Variants in PLG observed in about 807,000 individuals in gnomAD.
The protein encoded by PLG is plasmin.
PLG carries 41 observed loss-of-function variants against 104.4 expected under a neutral mutation model. That is an observed-to-expected ratio of 0.39 (90% confidence interval 0.31 to 0.51). The LOEUF (loss-of-function observed/expected upper bound fraction) is 0.51, where lower values mean the gene tolerates loss of function less well. PLG is among the 20% of genes least tolerant of loss of function. PLG has a pLI of 0.76. For missense variants in PLG, 891 were observed against 1,003.6 expected, an observed-to-expected ratio of 0.89 and a Z score of 1.52; for synonymous variants, 337 against 357.1, an observed-to-expected ratio of 0.94 and a Z score of 0.63.
chr6:160,739,796 A>C lies in PLG; in HGVS notation c.2018+588A>C, dbSNP rs1209539391. ...ACACCAAAAAAACAAAAAACAAACA[A>C]AAAAAAAACAACTTCACAATGTCAA... On this transcript the variant is annotated intron_variant, in intron 16 of 18. Transcript: ENST00000308192. The surrounding 1 kb of genome is among the most constrained non-coding windows in gnomAD (Gnocchi z 4.4). Among the ~76,000 whole-genome samples, 2 of 125,338 alleles carry C rather than the reference A, an allele frequency of 1.6e-5. No individual in the cohort carries two copies. Among genetic ancestry groups the C allele is most frequent in the Non-Finnish European group, 3.0e-5 (2 of 65,960 alleles). 82.2% of individuals were successfully genotyped at this position (125,338 alleles called of 152,430 possible).
chr6:160,737,735 G>A lies in PLG; in HGVS notation c.1802+728G>A, dbSNP rs1394266309. The stretch of plus-strand genomic sequence containing the variant: ...CTCAATTGCTGTTTTCCCCTAAAGA[G>A]ACTCTTTTCCATAAGTTTGTGAAAT... On this transcript the variant is annotated intron_variant, in intron 14 of 18. Transcript: ENST00000308192. This position sits in a 1 kb window ranked among gnomAD's most constrained non-coding sequence, Gnocchi z 4.7. Among the ~76,000 whole-genome samples, 1 of 152,162 alleles carries A rather than the reference G, an allele frequency of 6.6e-6. No homozygotes were observed. Among genetic ancestry groups the A allele is most frequent in the African/African-American group, 2.4e-5 (1 of 41,418 alleles).
intron 2 of PLG, among the ~76,000 whole-genome samples, chr6:160,707,085 G>C (rs1777541249): frequency 6.6e-6 from 1 of 152,174 alleles, no homozygotes; most frequent in Admixed American, 6.5e-5. Context: ...GAACTGAGCT[G>C]GGTTTGGAGT....
intron 10 of PLG, 40 bp downstream of exon 10, chr6:160,722,607 A>T (rs199914831): frequency 6.3e-7 from 1 of 1,590,654 alleles, no homozygotes; most frequent in South Asian, 1.1e-5. Context: ...GCATCAGCCA[A>T]CTGAAATTTC....
At position 160,734,856 on chromosome 6, in the gene PLG, A is replaced by G. The variant is rs369369069; in HGVS notation, c.1681+768A>G. On this transcript the variant is annotated intron_variant, in intron 13 of 18. Coordinates refer to ENST00000308192, the MANE Select transcript of PLG (RefSeq NM_000301.5). This position sits in a 1 kb window ranked among gnomAD's most constrained non-coding sequence, Gnocchi z 4.4. ...CAGAAAACCACCCTGGACTTCTCCT[A>G]TGCATAATTTGGTTGCTTGTGGTTG... Among the ~76,000 whole-genome samples the G allele has an allele frequency of 1.3e-4, 19 of 151,886 alleles. No homozygotes were observed. The highest frequency in any genetic ancestry group is 3.9e-4 in the African/African-American group (16 of 41,402).
chr6:160,716,501 T>C, intron 6 of PLG, 144 bp from the exon 7 acceptor site: 1 of 703,954 alleles, frequency 1.4e-6, no homozygotes, highest in Non-Finnish European at 2.6e-6. Context: ...TGTTGCCATC[T>C]CTGAACACAG....
Position 160,744,572 on chromosome 6 carries a change from G to A in PLG, c.2125+3155G>A, listed in dbSNP as rs1778248332. Among the ~76,000 whole-genome samples, 1 of 152,054 alleles carries A rather than the reference G, an allele frequency of 6.6e-6. No individual in the cohort carries two copies. Among genetic ancestry groups the A allele is most frequent in the East Asian group, 1.9e-4 (1 of 5,192 alleles). Reference sequence around the variant, plus strand: ...TTCCTTTTCTTCATTAGCCTAGCTAGCAGCCTACCTATCTTATTACTGTTT... The same window carrying A: ...TTCCTTTTCTTCATTAGCCTAGCTAACAGCCTACCTATCTTATTACTGTTT... On this transcript the variant is annotated intron_variant, in intron 17 of 18. Coordinates refer to ENST00000308192, the MANE Select transcript of PLG (RefSeq NM_000301.5). This position sits in a 1 kb window ranked among gnomAD's most constrained non-coding sequence, Gnocchi z 4.5.
chr6:160,721,040 C>A (rs1027113651), intron 9 of PLG, among the ~76,000 whole-genome samples: 1 of 152,102 alleles, frequency 6.6e-6, no homozygotes, highest in Non-Finnish European at 1.5e-5. Context: ...GATATTATGA[C>A]TTTTTTTCTA....
rs1023849288 is a variant in PLG, at chr6:160,753,567, G to A, written c.*506G>A. 3.9e-5 allele frequency among the ~76,000 whole-genome samples: 6 copies of A among 152,136 alleles called. No homozygotes were observed. The highest frequency in any genetic ancestry group is 8.8e-5 in the Non-Finnish European group (6 of 68,022). ...ACATGTATGGGGAGTCATGCAAACC[G>A]ATTCTGTTATTGGGAATGAAATCTG... On this transcript the variant is annotated 3_prime_UTR_variant, in exon 19 of 19. Transcript: ENST00000308192. This position sits in a 1 kb window ranked among gnomAD's most constrained non-coding sequence, Gnocchi z 5.4.
rs1172602990 is a variant in PLG, at chr6:160,723,785, C to T, written c.1256+1218C>T. On this transcript the variant is annotated intron_variant, in intron 10 of 18. Coordinates refer to ENST00000308192, the MANE Select transcript of PLG (RefSeq NM_000301.5). This position sits in a 1 kb window ranked among gnomAD's most constrained non-coding sequence, Gnocchi z 4.7. ...TGAGCTCAATGGAGATGCCAGAGCT[C>T]ACATAGCACTGGGGGATATTTGAGT... 6.6e-6 allele frequency among the ~76,000 whole-genome samples: 1 copy of T among 152,144 alleles called. No individual in the cohort carries two copies. The highest frequency in any genetic ancestry group is 1.9e-4 in the East Asian group (1 of 5,188).
Position 160,731,203 on chromosome 6 carries a change from T to C in PLG, c.1409T>C (p.Leu470Pro). ...GTAGCACCTCCGCCTGTTGTCCTGC[T>C]TCCAGATGTAGAGACTCCTTCCGAA... The part of the protein sequence containing the change: ...SVVAPPPVVL[L>P]PDVETPSEED... The change falls in exon 11 of 19, where the codon CTT (leucine) becomes CCT (proline). Residue 470 changes from leucine (L) to proline (P), a missense_variant. Leu to Pro is a moderately conservative substitution (Grantham distance 98). This residue lies in a region of PLG where 854 missense variants were observed against 932.1 expected (regional missense o/e 0.92). Coordinates refer to ENST00000308192, the MANE Select transcript of PLG (RefSeq NM_000301.5). The surrounding 1 kb of genome is among the most constrained non-coding windows in gnomAD (Gnocchi z 5.1). The C allele has an allele frequency of 6.2e-7, 1 of 1,614,124 alleles. No homozygotes were observed. Among genetic ancestry groups the C allele is most frequent in the Non-Finnish European group, 8.5e-7 (1 of 1,179,970 alleles).
Position 160,725,007 on chromosome 6 carries a change from G to T in PLG, c.1256+2440G>T, listed in dbSNP as rs968417728. On this transcript the variant is annotated intron_variant, in intron 10 of 18. Transcript: ENST00000308192. The surrounding 1 kb of genome is among the most constrained non-coding windows in gnomAD (Gnocchi z 6.3). ...TGAGTCGGGCAGATCATGGGGTCAGGAGTTTGAGACCAGCCTGACCAACAT... is the reference window on the plus strand; with the variant it reads ...TGAGTCGGGCAGATCATGGGGTCAGTAGTTTGAGACCAGCCTGACCAACAT... Among the ~76,000 whole-genome samples, 1 of 152,124 alleles carries T rather than the reference G, an allele frequency of 6.6e-6. No homozygotes were observed. The highest frequency in any genetic ancestry group is 1.5e-5 in the Non-Finnish European group (1 of 68,032).
intron 7 of PLG, among the ~76,000 whole-genome samples, chr6:160,718,034 G>A (rs993774189): frequency 3.3e-5 from 5 of 152,088 alleles, no homozygotes; most frequent in African/African-American, 7.2e-5. Context: ...GGCGGATCAC[G>A]AGGTCAGGAG....
rs375836870 is a variant in PLG, at chr6:160,712,214, G to C, written c.408-772G>C. 153 of 157,684 alleles carry C rather than the reference G, an allele frequency of 9.7e-4. 5 individuals carry two copies. The South Asian group carries it at 0.022, about 23-fold the overall frequency. 9.8% of individuals were successfully genotyped at this position (157,684 alleles called of 1,614,324 possible). On this transcript the variant is annotated intron_variant, in intron 4 of 18. Transcript: ENST00000308192. ...CTTTATGAGGGAACTGAGGTCTCGG[G>C]GGGTGGGGGTTATCCCAAATAGGTT...
rs917288668 is a variant in PLG, at chr6:160,741,954, C to G, written c.2125+537C>G. 1.3e-5 allele frequency among the ~76,000 whole-genome samples: 2 copies of G among 152,146 alleles called. No individual in the cohort carries two copies. Among genetic ancestry groups the G allele is most frequent in the Non-Finnish European group, 2.9e-5 (2 of 68,030 alleles). ...TGTGTTAGTTTTCTAAGAATAACGG[C>G]CTCCAGCTCCATTCATGTTCCTGTA... On this transcript the variant is annotated intron_variant, in intron 17 of 18. Transcript: ENST00000308192. This position sits in a 1 kb window ranked among gnomAD's most constrained non-coding sequence, Gnocchi z 4.7.
intron 4 of PLG, chr6:160,711,717 A>G: frequency 1.2e-6 from 2 of 1,608,650 alleles, no homozygotes; most frequent in Non-Finnish European, 1.7e-6. Flanking sequence ...GTTTAAAAAA[A>G]ATCAATGAAA....
intron 1 of PLG, 161 bp from the exon 2 acceptor site, chr6:160,706,246 C>T: frequency 2.2e-6 from 2 of 912,036 alleles, no homozygotes; most frequent in Non-Finnish European, 3.5e-6. Flanking sequence ...ACTGTGTGTT[C>T]TTAACTAAAC....
chr6:160,738,606 T>C lies in PLG; in HGVS notation c.1871T>C (p.Leu624Ser), dbSNP rs1453410534. Reference sequence around the variant, plus strand: ...TGGGTGTTGACTGCTGCCCACTGCTTGGAGAAGTATGTTTAGGGGACAATT... The same window carrying C: ...TGGGTGTTGACTGCTGCCCACTGCTCGGAGAAGTATGTTTAGGGGACAATT... ...PEWVLTAAHC[L>S]EKSPRPSSYK... The change falls in exon 15 of 19, where the codon TTG becomes TCG. Residue 624 changes from leucine (L) to serine (S), a missense_variant. Around this residue, in one of 2 missense-constraint regions of PLG, gnomAD observed 854 missense variants for 932.1 expected, o/e 0.92. Coordinates refer to ENST00000308192, the MANE Select transcript of PLG (RefSeq NM_000301.5). This position sits in a 1 kb window ranked among gnomAD's most constrained non-coding sequence, Gnocchi z 6.8. 1 of 1,597,534 alleles carries C rather than the reference T, an allele frequency of 6.3e-7. No homozygotes were observed.
At chr6:160,733,967 T>G in intron 12 of PLG, 28 bp from the exon 13 acceptor site, 3 of 1,281,478 alleles carry the variant, frequency 2.3e-6, no homozygotes, top group Non-Finnish European at 3.4e-6. Context: ...CCACGTGAGC[T>G]GGAGCTTACA....
At chr6:160,749,891 C>T (rs1404105828) in intron 17 of PLG, among the ~76,000 whole-genome samples, 1 of 61,642 alleles carries the variant, frequency 1.6e-5, no homozygotes, top group Non-Finnish European at 3.3e-5. Flanking sequence ...TCATCACCAC[C>T]ATTCCACCAC....
Sources: gnomAD v4.1 joint callset for allele counts (sites outside exome capture counted in the v4.1 genomes callset) on GRCh38, gnomAD v4.1.1 for gene constraint, gnomAD v4.1.1 regional missense constraint, Gnocchi (gnomAD v3.1) non-coding constraint, MANE v1.5 for transcripts, NCBI Gene and HGNC (gene_info 2026-07-23, HGNC 2026-07-21) for gene names.